TRPM3: variants seen among roughly 807,000 people sequenced by gnomAD.
TRPM3 encodes long transient receptor potential channel 3.
In TRPM3, 77 loss-of-function variants were observed where a neutral mutation model predicts 181.2. The ratio of observed to expected loss-of-function variants is 0.42; its 90% CI spans 0.35 to 0.51. The LOEUF (loss-of-function observed/expected upper bound fraction) is 0.51. TRPM3 is among the 20% of genes least tolerant of loss of function. The pLI is 0.01. For missense variants in TRPM3, 1,759 were observed against 2,196.7 expected (o/e 0.80, Z 3.98); for synonymous variants, 745 against 796.4 (o/e 0.94, Z 1.09).
chr9:70,956,991 C>T (rs1432909062), intron 1 of TRPM3, among the ~76,000 whole-genome samples: 4 of 139,356 alleles, frequency 2.9e-5, no homozygotes, highest in Non-Finnish European at 6.1e-5. Context: ...TACCAAGTCT[C>T]ACTCTGTCAC....
intron 20 of TRPM3, among the ~76,000 whole-genome samples, chr9:70,601,221 G>T (rs1401799504): frequency 6.6e-6 from 1 of 152,156 alleles, no homozygotes; most frequent in Non-Finnish European, 1.5e-5. Flanking sequence ...GTTGTCGGCG[G>T]GGGTAGGATC....
chr9:71,413,336 T>TTTGAAGGTATTATAA, intron 1 of TRPM3, among the ~76,000 whole-genome samples: 1 of 152,260 alleles, frequency 6.6e-6, no homozygotes, highest in African/African-American at 2.4e-5. Context: ...TCATCTAATT[T>TTTGAAGGTATTATAA]TACCTTCAAA....
intron 1 of TRPM3, among the ~76,000 whole-genome samples, chr9:71,009,001 G>C (rs1339113477): frequency 6.6e-6 from 1 of 152,118 alleles, no homozygotes; most frequent in East Asian, 1.9e-4. Context: ...GTTTTTATTG[G>C]AAAAGCATTC....
At position 70,529,136 on chromosome 9, in the gene TRPM3, G is replaced by A. The variant is rs1024246888; in HGVS notation, c.*6817C>T. ...GAAATTTCAGAAAGTTTTTCCCGTGGTATCTGCCAACTTCTGCTCTGAATT... is the reference window on the plus strand; with the variant it reads ...GAAATTTCAGAAAGTTTTTCCCGTGATATCTGCCAACTTCTGCTCTGAATT... On this transcript the variant is annotated 3_prime_UTR_variant, in exon 26 of 26. Transcript: ENST00000677713. The A allele has an allele frequency of 2.0e-5, 3 of 151,952 alleles. No homozygotes were observed. The highest frequency in any genetic ancestry group is 7.3e-5 in the African/African-American group (3 of 41,376). 9.4% of individuals were successfully genotyped at this position (151,952 alleles called of 1,614,324 possible). A position where few individuals can be genotyped will look rare whatever the true frequency, so the allele number is the denominator to read the frequency against.
At chr9:70,559,516 G>A (rs1211013737) in intron 22 of TRPM3, among the ~76,000 whole-genome samples, 1 of 152,196 alleles carries the variant, frequency 6.6e-6, no homozygotes, top group African/African-American at 2.4e-5. Context: ...ATGCTGTTGT[G>A]TAAATCTCCA....
At chr9:71,265,151 A>T (rs1272396709) in intron 1 of TRPM3, among the ~76,000 whole-genome samples, 3 of 152,214 alleles carry the variant, frequency 2.0e-5, no homozygotes. Context: ...GCAAAGAAAA[A>T]ACATAAAAGT....
chr9:71,262,468 C>G (rs1320475183), intron 1 of TRPM3, among the ~76,000 whole-genome samples: 1 of 152,174 alleles, frequency 6.6e-6, no homozygotes, highest in East Asian at 1.9e-4. Context: ...GGGGTGGGAT[C>G]TGCTTAGCAA....
intron 1 of TRPM3, among the ~76,000 whole-genome samples, chr9:71,209,363 G>A (rs2079326661): frequency 1.0e-5 from 1 of 99,000 alleles, no homozygotes; most frequent in African/African-American, 3.5e-5. Context: ...GGCAATGAGG[G>A]GGTGGGGGGA....
At chr9:70,864,571 G>A (rs1014108147) in intron 1 of TRPM3, 60 bp from the exon 2 acceptor site, 1 of 1,262,452 alleles carries the variant, frequency 7.9e-7, no homozygotes. Context: ...AACATACCGT[G>A]AAATATTTTT....
intron 5 of TRPM3, among the ~76,000 whole-genome samples, chr9:70,831,000 G>GA (rs1014268477): frequency 5.3e-5 from 8 of 151,696 alleles, no homozygotes; most frequent in Non-Finnish European, 8.8e-5. Flanking sequence ...TGTAAGTAAA[G>GA]AAAAAAAAAT....
At chr9:70,752,896 G>T (rs766321607) in intron 8 of TRPM3, among the ~76,000 whole-genome samples, 72 of 152,096 alleles carry the variant, frequency 4.7e-4, no homozygotes, top group Non-Finnish European at 5.6e-4. Context: ...GATCACCTGA[G>T]GTCAGGAGTT....
intron 1 of TRPM3, among the ~76,000 whole-genome samples, chr9:71,386,010 C>T (rs1445218104): frequency 6.6e-6 from 1 of 151,804 alleles, no homozygotes; most frequent in Non-Finnish European, 1.5e-5. Flanking sequence ...CCTGCTGAGT[C>T]TTAGAAGATT....
At chr9:71,031,407 C>T (rs1192300285) in intron 1 of TRPM3, among the ~76,000 whole-genome samples, 2 of 152,126 alleles carry the variant, frequency 1.3e-5, no homozygotes, top group Non-Finnish European at 2.9e-5. Context: ...TAAGCATCAA[C>T]TTCTTCATTT....
At chr9:70,765,603 A>C (rs2135360301) in intron 7 of TRPM3, among the ~76,000 whole-genome samples, 1 of 138,058 alleles carries the variant, frequency 7.2e-6, no homozygotes, top group Admixed American at 7.1e-5. Flanking sequence ...AAAAACAAAA[A>C]CAAAAAACAA....
At position 71,204,849 on chromosome 9, in the gene TRPM3, G is replaced by A. The variant is rs370873180; in HGVS notation, c.183+241804C>T. On this transcript the variant is annotated intron_variant, in intron 1 of 24. Coordinates refer to the TRPM3 transcript ENST00000357533. Reference sequence around the variant, plus strand: ...CAATGATAGACTGGATTAAGAAAATGTGGCACATATACACCATGGAATACT... The same window carrying A: ...CAATGATAGACTGGATTAAGAAAATATGGCACATATACACCATGGAATACT... Among the ~76,000 whole-genome samples the A allele has an allele frequency of 9.1e-4, 138 of 152,324 alleles. 6 individuals are homozygous for A. The South Asian group carries it at 0.028, about 31-fold the overall frequency.
At position 71,371,695 on chromosome 9, in the gene TRPM3, C is replaced by G. The variant is rs2092519129; in HGVS notation, c.183+74958G>C. Reference sequence around the variant, plus strand: ...AAGGTTATAAACTTAGTTGGTAAAGCAGAGGCAGGGTTTAAGAGGATTGAC... The same window carrying G: ...AAGGTTATAAACTTAGTTGGTAAAGGAGAGGCAGGGTTTAAGAGGATTGAC... On this transcript the variant is annotated intron_variant, in intron 1 of 24. Transcript: ENST00000357533. Among the ~76,000 whole-genome samples the G allele has an allele frequency of 1.3e-5, 2 of 152,148 alleles. 1 individual carries two copies. Among genetic ancestry groups the G allele is most frequent in the South Asian group, 4.1e-4 (2 of 4,830 alleles).
In TRPM3 at chr9:70,537,032, C is replaced by G. The variant is rs763305848; in HGVS notation, c.4081G>C (p.Gly1361Arg). The G allele has an allele frequency of 1.3e-5, 21 of 1,611,030 alleles. No individual in the cohort carries two copies. In the South Asian group the frequency reaches 2.2e-4, roughly 17 times the overall value. Reference protein sequence around the residue: ...FYSVNMKDKGGIEKLESIFKE... With the variant: ...FYSVNMKDKGRIEKLESIFKE... ...AAAATACTTTCCAACTTTTCTATAC[C>G]ACCTTTGTCTTTCATATTGACCGAA... is the stretch of plus-strand genomic sequence containing the variant. The change falls in exon 26 of 26, where the codon GGT (glycine) becomes CGT (arginine). Residue 1361 changes from glycine (G) to arginine (R), a missense_variant. Coordinates refer to ENST00000677713, the MANE Select transcript of TRPM3 (RefSeq NM_001366145.2).
intron 9 of TRPM3, among the ~76,000 whole-genome samples, chr9:70,673,310 A>G (rs2063341163): frequency 6.6e-6 from 1 of 152,090 alleles, no homozygotes. Context: ...AAAGTTAATG[A>G]TTTGAATAAA....
At chr9:70,883,042 C>T (rs1189792525) in intron 1 of TRPM3, among the ~76,000 whole-genome samples, 1 of 152,190 alleles carries the variant, frequency 6.6e-6, no homozygotes, top group Non-Finnish European at 1.5e-5. Context: ...GAGTAACAAA[C>T]TTGAAAATGA....
Sources: gnomAD v4.1 joint callset for allele counts (sites outside exome capture counted in the v4.1 genomes callset) on GRCh38, gnomAD v4.1.1 for gene constraint, MANE v1.5 for transcripts, NCBI Gene and HGNC (gene_info 2026-07-23, HGNC 2026-07-21) for gene names.